The following WASF3 variants were observed in gnomAD, a reference collection of about 807,000 sequenced individuals.
WASF3 encodes the protein WASP family member 3.
A neutral mutation model predicts 46.6 loss-of-function variants in WASF3; 11 were observed. The observed-to-expected ratio is 0.24, with a 90% CI of 0.15 to 0.39. The LOEUF is 0.39. Ranked by LOEUF, WASF3 falls within the 10% of genes least tolerant of loss-of-function variation. WASF3 has a pLI of 1.00. For missense variants in WASF3, 576 were observed against 669.8 expected (o/e 0.86, Z 1.55); for synonymous variants, 242 against 259.7 (o/e 0.93, Z 0.65).
intron 2 of WASF3, among the ~76,000 whole-genome samples, chr13:26,635,817 G>A (rs1327044041): frequency 1.3e-5 from 2 of 152,328 alleles, no homozygotes; most frequent in Non-Finnish European, 2.9e-5. Flanking sequence ...TATCACCAGC[G>A]GAAGCTGCAG....
intron 1 of WASF3, among the ~76,000 whole-genome samples, chr13:26,589,573 T>C (rs1330315318): frequency 6.6e-6 from 1 of 152,184 alleles, no homozygotes; most frequent in Non-Finnish European, 1.5e-5. Context: ...TTGGCTTTAG[T>C]TGAATGTTAA....
intron 1 of WASF3, among the ~76,000 whole-genome samples, chr13:26,607,884 C>G (rs776060043): frequency 6.6e-6 from 1 of 152,092 alleles, no homozygotes; most frequent in Non-Finnish European, 1.5e-5. Context: ...GATAATCCTA[C>G]CTAGGCCTCT....
intron 1 of WASF3, among the ~76,000 whole-genome samples, chr13:26,578,904 G>A (rs1438503190): frequency 2.0e-5 from 3 of 150,728 alleles, no homozygotes; most frequent in Non-Finnish European, 1.5e-5. Flanking sequence ...TTTCTATTGA[G>A]ATGATCATGT....
intron 1 of WASF3, among the ~76,000 whole-genome samples, chr13:26,611,817 A>G (rs1395662388): frequency 6.6e-6 from 1 of 151,386 alleles, no homozygotes; most frequent in East Asian, 2.0e-4. Flanking sequence ...AAAATGGAGT[A>G]TCGCTGAATG....
chr13:26,608,071 C>A (rs1880857816), intron 1 of WASF3, among the ~76,000 whole-genome samples: 1 of 117,334 alleles, frequency 8.5e-6, no homozygotes, highest in African/African-American at 3.3e-5. Flanking sequence ...CTGTGTTGAA[C>A]AGTAGTAAAT....
In WASF3 at chr13:26,676,698, C is replaced by T. The variant is rs755635136; in HGVS notation, c.690C>T (p.Ser230=). 1.1e-5 allele frequency: 17 copies of T among 1,613,894 alleles called. No individual in the cohort carries two copies. Among genetic ancestry groups the T allele is most frequent in the Middle Eastern group, 1.6e-4 (1 of 6,082 alleles). Residue 230 remains serine (S), a synonymous_variant, in exon 7 of 10, where the codon TCC becomes TCT. Coordinates refer to ENST00000335327, the MANE Select transcript of WASF3 (RefSeq NM_006646.6). ...AGAGTGTGTACCATGGAGCGTCTTC[C>T]GAGGGATCCCTGTCCCCAGATACTA... The part of the protein sequence containing the change: ...LSQSVYHGAS[S]EGSLSPDTRS...
chr13:26,560,734 C>A (rs1032502346), intron 1 of WASF3, among the ~76,000 whole-genome samples: 2 of 152,198 alleles, frequency 1.3e-5, no homozygotes, highest in Non-Finnish European at 2.9e-5. Context: ...CAGTACACTT[C>A]AGAGTTTTAA....
In WASF3 at chr13:26,596,369, C is replaced by T. The variant is rs560338408; in HGVS notation, c.-108-16592C>T. ...AAAAAAAGCTAGTTTTGAGAGTTCTCTCTCTAGTTTTTTTCATTAGACAAA... is the reference window on the plus strand; with the variant it reads ...AAAAAAAGCTAGTTTTGAGAGTTCTTTCTCTAGTTTTTTTCATTAGACAAA... On this transcript the variant is annotated intron_variant, in intron 1 of 9. Transcript: ENST00000335327. 2.6e-4 allele frequency among the ~76,000 whole-genome samples: 39 copies of T among 149,838 alleles called. No homozygotes were observed. The South Asian group carries it at 3.6e-3, about 14-fold the overall frequency.
intron 5 of WASF3, 58 bp from the exon 6 acceptor site, chr13:26,671,814 A>T: frequency 8.4e-7 from 1 of 1,183,530 alleles, no homozygotes; most frequent in Non-Finnish European, 1.2e-6. Flanking sequence ...ACATTAACCT[A>T]CATATAAAAG....
At chr13:26,576,645 C>G (rs977382176) in intron 1 of WASF3, among the ~76,000 whole-genome samples, 2 of 152,116 alleles carry the variant, frequency 1.3e-5, no homozygotes, top group Admixed American at 6.5e-5. Context: ...CAGTGGTTCC[C>G]AAGTTTTCAG....
intron 3 of WASF3, among the ~76,000 whole-genome samples, chr13:26,648,902 C>T (rs537055049): frequency 6.6e-6 from 1 of 152,116 alleles, no homozygotes; most frequent in African/African-American, 2.4e-5. Flanking sequence ...ACCCATTGAC[C>T]CGGAATGTCA....
At chr13:26,681,965 A>G (rs1078630) in intron 8 of WASF3, among the ~76,000 whole-genome samples, 51,192 of 151,898 alleles carry the variant, frequency 0.34, 9,057 homozygotes, top group African/African-American at 0.43. Flanking sequence ...ACGTGTCTGC[A>G]CACCCCTGTC....
chr13:26,672,079 T>C (rs1276045), intron 6 of WASF3, 90 bp downstream of exon 6: 298,850 of 1,040,940 alleles, frequency 0.29, 45,906 homozygotes, highest in East Asian at 0.6. Context: ...GGTTGAGATA[T>C]TGGATATAGT....
rs73170106 is a variant in WASF3 at position 26,677,152 on chromosome 13, T to C, written c.716+428T>C. Among the ~76,000 whole-genome samples the C allele has an allele frequency of 8.9e-3, 1,353 of 152,360 alleles. 10 individuals carry two copies. Among genetic ancestry groups the C allele is most frequent in the Middle Eastern group, 0.017 (5 of 294 alleles). Reference sequence around the variant, plus strand: ...CTAAGGAGTACCTTCATTGTTCCTTTAGTAACCCTTTGAAAAAATGATGAA... The same window carrying C: ...CTAAGGAGTACCTTCATTGTTCCTTCAGTAACCCTTTGAAAAAATGATGAA... On this transcript the variant is annotated intron_variant, in intron 7 of 9. Transcript: ENST00000335327.
chr13:26,564,627 A>G (rs1446319528), intron 1 of WASF3, among the ~76,000 whole-genome samples: 1 of 152,206 alleles, frequency 6.6e-6, no homozygotes, highest in Non-Finnish European at 1.5e-5. Context: ...ATATTGCAGT[A>G]CCAAAGTATA....
chr13:26,578,451 T>C (rs1879867536), intron 1 of WASF3, among the ~76,000 whole-genome samples: 1 of 152,200 alleles, frequency 6.6e-6, no homozygotes, highest in South Asian at 2.1e-4. Flanking sequence ...TGCAGTTGTT[T>C]GCAATATGGC....
At chr13:26,559,210 AT>A (rs1474745369) in intron 1 of WASF3, among the ~76,000 whole-genome samples, 1 of 152,090 alleles carries the variant, frequency 6.6e-6, no homozygotes, top group Non-Finnish European at 1.5e-5. Context: ...ATTTTTCTTC[AT>A]CTTGAAAGAT....
chr13:26,542,807 G>A, the WASF3 span, among the ~76,000 whole-genome samples: 1 of 152,206 alleles, frequency 6.6e-6, no homozygotes, highest in South Asian at 2.1e-4. Context: ...ATTAGCAGAA[G>A]CTATTGTTGC....
chr13:26,577,185 G>A, intron 1 of WASF3: 1 of 751,512 alleles, frequency 1.3e-6, no homozygotes, highest in South Asian at 1.4e-5. Flanking sequence ...TAACTTCCTT[G>A]GCATGGATCT....
Sources: allele counts gnomAD v4.1 joint callset (sites outside exome capture counted in the v4.1 genomes callset), GRCh38; gene constraint gnomAD v4.1.1; transcripts MANE v1.5; gene names NCBI Gene and HGNC (gene_info 2026-07-23, HGNC 2026-07-21).